Variants in POLN observed in about 807,000 individuals in gnomAD.
POLN encodes DNA polymerase N.
POLN carries 108 observed loss-of-function variants against 113.5 expected under a neutral mutation model. The observed-to-expected ratio is 0.95, with a 90% CI of 0.81 to 1.12. The LOEUF is 1.12. Among genes scored for constraint, POLN ranks in the 50% most tolerant of loss-of-function variants. The pLI is 0.00. For missense variants in POLN, 1,097 were observed against 1,077.1 expected, an observed-to-expected ratio of 1.02 and a Z score of -0.26; for synonymous variants, 386 against 391.5, an observed-to-expected ratio of 0.99 and a Z score of 0.17.
At chr4:2,198,811 G>C (rs536399140) in intron 5 of POLN, 94 bp from the exon 6 acceptor site, 3 of 1,202,788 alleles carry the variant, frequency 2.5e-6, no homozygotes, top group African/African-American at 1.5e-5. Context: ...AAGAGAAAAG[G>C]CCTAAAATTA....
chr4:2,199,474 T>C (rs1040373232), intron 5 of POLN, among the ~76,000 whole-genome samples: 2 of 150,492 alleles, frequency 1.3e-5, no homozygotes, highest in Non-Finnish European at 3.0e-5. Context: ...TAAAAGGGGG[T>C]GGGTGGCGAG....
intron 13 of POLN, among the ~76,000 whole-genome samples, chr4:2,161,426 G>A (rs941876858): frequency 6.6e-6 from 1 of 152,260 alleles, no homozygotes; most frequent in Non-Finnish European, 1.5e-5. Flanking sequence ...AGCGGCTGCG[G>A]AGGGTGTACT....
rs113931815 is a variant in POLN at position 2,203,702 on chromosome 4, A to C, written c.714+4285T>G. ...AGAGCACAATCTAAGGTCACACCTCAAGGAACTAGAGAAACAAGAACAAAC... is the reference window on the plus strand; with the variant it reads ...AGAGCACAATCTAAGGTCACACCTCCAGGAACTAGAGAAACAAGAACAAAC... On this transcript the variant is annotated intron_variant, in intron 5 of 25. Coordinates refer to ENST00000511885, the MANE Select transcript of POLN (RefSeq NM_181808.4). 4.6e-3 allele frequency among the ~76,000 whole-genome samples: 693 copies of C among 152,260 alleles called. 6 individuals are homozygous for C. The highest frequency in any genetic ancestry group is 0.016 in the African/African-American group (662 of 41,520).
At chr4:2,143,829 T>G (rs1339041432) in intron 16 of POLN, among the ~76,000 whole-genome samples, 19 of 152,122 alleles carry the variant, frequency 1.2e-4, no homozygotes, top group Non-Finnish European at 2.8e-4. Context: ...ATCCAACAGT[T>G]GACTTGTGCA....
chr4:2,181,849 A>C (rs1309798463), intron 7 of POLN, among the ~76,000 whole-genome samples: 3 of 151,986 alleles, frequency 2.0e-5, no homozygotes, highest in African/African-American at 7.3e-5. Context: ...AAATACAAAA[A>C]ATTAGCTGGG....
intron 6 of POLN, 99 bp from the exon 7 acceptor site, chr4:2,193,415 T>C (rs1733501851): frequency 1.4e-6 from 1 of 695,436 alleles, no homozygotes; most frequent in East Asian, 2.9e-5. Flanking sequence ...ATCACTTAGA[T>C]AGCACATACA....
At chr4:2,233,649 A>G (rs942416801) in intron 2 of POLN, among the ~76,000 whole-genome samples, 1 of 152,222 alleles carries the variant, frequency 6.6e-6, no homozygotes, top group Non-Finnish European at 1.5e-5. Context: ...AACCATTTAA[A>G]TTGACTTATT....
chr4:2,115,228 A>ATATATATTT (rs72052264), intron 19 of POLN, among the ~76,000 whole-genome samples: 3 of 129,988 alleles, frequency 2.3e-5, no homozygotes, highest in African/African-American at 8.8e-5. Context: ...ATATATATAT[A>ATATATATTT]TTTTTTTTTT....
At chr4:2,195,682 C>T (rs983989565) in intron 6 of POLN, among the ~76,000 whole-genome samples, 4 of 152,020 alleles carry the variant, frequency 2.6e-5, no homozygotes, top group African/African-American at 9.7e-5. Context: ...TTGGGTCTCA[C>T]TATGTTGCTC....
intron 13 of POLN, among the ~76,000 whole-genome samples, chr4:2,162,524 T>C (rs1454656271): frequency 6.6e-6 from 1 of 152,230 alleles, no homozygotes; most frequent in Non-Finnish European, 1.5e-5. Flanking sequence ...CAGCACCATC[T>C]TGGCTCACTG....
chr4:2,158,193 C>G (rs1240060268), intron 14 of POLN, among the ~76,000 whole-genome samples: 1 of 152,084 alleles, frequency 6.6e-6, no homozygotes, highest in African/African-American at 2.4e-5. Flanking sequence ...CTCAGGTGAT[C>G]CGCCCACCTC....
intron 3 of POLN, chr4:2,227,849 A>G (rs1462497256): frequency 1.3e-5 from 2 of 152,162 alleles, no homozygotes; most frequent in East Asian, 1.9e-4. Flanking sequence ...GAAGGGGAGT[A>G]TATTTCCACC....
At chr4:2,113,635 A>G (rs950548801) in intron 19 of POLN, among the ~76,000 whole-genome samples, 1 of 151,214 alleles carries the variant, frequency 6.6e-6, no homozygotes, top group Non-Finnish European at 1.5e-5. Context: ...AGGCAGGTAG[A>G]TCACCTGAGG....
intron 7 of POLN, among the ~76,000 whole-genome samples, chr4:2,183,830 T>A (rs1733203336): frequency 6.6e-6 from 1 of 151,498 alleles, no homozygotes; most frequent in Non-Finnish European, 1.5e-5. Flanking sequence ...TATATCTTAA[T>A]AAAACCGCTA....
chr4:2,077,993 CCTGA>C (rs773618734), intron 23 of POLN, among the ~76,000 whole-genome samples: 8 of 152,186 alleles, frequency 5.3e-5, no homozygotes, highest in East Asian at 1.9e-4. Flanking sequence ...ATCTGGATGG[CCTGA>C]CTGAGATCAC....
rs997498187 is a variant in POLN, at chr4:2,198,605, G to T, written c.827C>A (p.Ser276Ter). 6 of 1,613,842 alleles carry T rather than the reference G, an allele frequency of 3.7e-6. No individual in the cohort carries two copies. The African/African-American group carries it at 6.7e-5, about 18-fold the overall frequency. The part of the protein sequence containing the change: ...ACGPVLEGFV[S>*]DDPCIYIQIE... ...TTGAATGTAGATGCATGGATCATCT[G>T]ACACAAAGCCCTCCAGAACAGGACC... The change falls in exon 6 of 26, where the codon TCA (serine) becomes TAA (stop). Residue 276 changes from serine to a stop codon, truncating the protein, a stop_gained. Coordinates refer to ENST00000511885, the MANE Select transcript of POLN (RefSeq NM_181808.4). LOFTEE classifies it high-confidence loss of function.
At chr4:2,192,114 CAAA>C (rs772637540) in intron 7 of POLN, among the ~76,000 whole-genome samples, 5 of 66,934 alleles carry the variant, frequency 7.5e-5, no homozygotes, top group East Asian at 7.7e-4. Context: ...GACTCCATCT[CAAA>C]AAAAAAAAAA....
chr4:2,205,670 C>T (rs1170814139), intron 5 of POLN, among the ~76,000 whole-genome samples: 3 of 152,072 alleles, frequency 2.0e-5, no homozygotes, highest in Admixed American at 6.6e-5. Flanking sequence ...GTCAGGAGTT[C>T]GAGACCAGCC....
chr4:2,207,010 A>T (rs1248645197), intron 5 of POLN, among the ~76,000 whole-genome samples: 3 of 152,254 alleles, frequency 2.0e-5, no homozygotes, highest in Non-Finnish European at 2.9e-5. Context: ...AATGCCCATC[A>T]ATCAAGGAGT....
Sources: allele counts gnomAD v4.1 joint callset (sites outside exome capture counted in the v4.1 genomes callset), GRCh38; gene constraint gnomAD v4.1.1; transcripts MANE v1.5; gene names NCBI Gene and HGNC (gene_info 2026-07-23, HGNC 2026-07-21).